Variants in DIRAS2 observed in about 807,000 individuals in gnomAD.
DIRAS2 encodes DIRAS family GTPase 2.
In DIRAS2, 5 loss-of-function variants were observed where a neutral mutation model predicts 13.9. The observed-to-expected ratio is 0.36, with a 90% CI of 0.19 to 0.76. The LOEUF is 0.76. DIRAS2 is among the 30% of genes least tolerant of loss of function. DIRAS2 has a pLI of 0.53. For synonymous variants in DIRAS2, 111 were observed against 105.4 expected, an observed-to-expected ratio of 1.05 and a Z score of -0.33; for missense variants, 191 against 263.0, an observed-to-expected ratio of 0.73 and a Z score of 1.89.
intron 1 of DIRAS2, among the ~76,000 whole-genome samples, chr9:90,626,730 C>T (rs1402166493): frequency 2.0e-5 from 3 of 152,292 alleles, no homozygotes; most frequent in African/African-American, 7.2e-5. Context: ...GATAGAATTA[C>T]TGTATGATCC....
In DIRAS2 at chr9:90,613,552, C is replaced by A; in HGVS notation, c.276G>T (p.Gln92His). The A allele has an allele frequency of 6.2e-7, 1 of 1,614,186 alleles. No individual in the cohort carries two copies. ...AGATGGGCTTGAGCTCCTCCAAGGA[C>A]TGTCGGCTGGTAATGGAGTACACCA... is the stretch of plus-strand genomic sequence containing the variant. ...FILVYSITSR[Q>H]SLEELKPIYE... is the part of the protein sequence containing the mutation. Residue 92 changes from glutamine (Q) to histidine (H), a missense_variant, in exon 2 of 2, where the codon CAG becomes CAT. Physicochemically the swap from Gln to His is conservative, Grantham distance 24. Transcript: ENST00000375765. This position sits in a 1 kb window ranked among gnomAD's most constrained non-coding sequence, Gnocchi z 5.6.
intron 1 of DIRAS2, among the ~76,000 whole-genome samples, chr9:90,620,697 C>T (rs1825211790): frequency 6.6e-6 from 1 of 151,704 alleles, no homozygotes; most frequent in Non-Finnish European, 1.5e-5. Flanking sequence ...AGAGATCACG[C>T]CACTGCACTC....
In DIRAS2 at chr9:90,613,724, C is replaced by G; in HGVS notation, c.104G>C (p.Ser35Thr). The change falls in exon 2 of 2, where the codon AGC (serine) becomes ACC (threonine). Residue 35 changes from serine (S) to threonine (T), a missense_variant. Coordinates refer to ENST00000375765, the MANE Select transcript of DIRAS2 (RefSeq NM_017594.5). The surrounding 1 kb of genome is among the most constrained non-coding windows in gnomAD (Gnocchi z 5.6). ...GGTGTCTTCCACCGTCGGGATGTAG[C>G]TCTCCCGGAATGTGCCTTTCACAAA... ...LRFVKGTFRE[S>T]YIPTVEDTYR... The G allele has an allele frequency of 1.2e-6, 2 of 1,614,132 alleles. No homozygotes were observed. The highest frequency in any genetic ancestry group is 1.7e-6 in the Non-Finnish European group (2 of 1,180,028).
chr9:90,628,855 T>A (rs1337228219), intron 1 of DIRAS2, among the ~76,000 whole-genome samples: 9 of 139,234 alleles, frequency 6.5e-5, no homozygotes, highest in African/African-American at 2.3e-4. Flanking sequence ...CCTAAAAATA[T>A]ATTACTTTTT....
chr9:90,633,285 G>C (rs1039576758), intron 1 of DIRAS2, among the ~76,000 whole-genome samples: 1 of 152,188 alleles, frequency 6.6e-6, no homozygotes, highest in Non-Finnish European at 1.5e-5. Context: ...ACTAGTGATG[G>C]GTCGGTGGGA....
chr9:90,632,888 C>A lies in DIRAS2; in HGVS notation c.-37+9864G>T, dbSNP rs116209967. Among the ~76,000 whole-genome samples the A allele has an allele frequency of 4.2e-3, 642 of 152,332 alleles. 4 individuals are homozygous for A. Among genetic ancestry groups the A allele is most frequent in the African/African-American group, 0.014 (602 of 41,566 alleles). ...CTCAGATGGGGCTTCCAGGCTGCAA[C>A]CACAGAACACTAGTGCAGAACATGC... On this transcript the variant is annotated intron_variant, in intron 1 of 1. Transcript: ENST00000375765.
rs1329644373 is a variant in DIRAS2 at position 90,610,932 on chromosome 9, T to C, written c.*2296A>G. On this transcript the variant is annotated 3_prime_UTR_variant, in exon 2 of 2. Coordinates refer to ENST00000375765, the MANE Select transcript of DIRAS2 (RefSeq NM_017594.5). ...GATTTGAAAGGGATAAAAGAAATTC[T>C]GACTTACAATCAGTAGAAATGGGAT... 1 of 152,272 alleles carries C rather than the reference T, an allele frequency of 6.6e-6. No individual in the cohort carries two copies. The highest frequency in any genetic ancestry group is 1.5e-5 in the Non-Finnish European group (1 of 68,098). The allele number at this position is 152,272 out of a possible 1,614,324, so 9.4% of individuals were successfully genotyped here. A position where few individuals can be genotyped will look rare whatever the true frequency, so the allele number is the denominator to read the frequency against.
rs1263388683 is a variant in DIRAS2 at position 90,612,973 on chromosome 9, C to T, written c.*255G>A. 2.2e-5 allele frequency: 11 copies of T among 500,294 alleles called. No homozygotes were observed. Among genetic ancestry groups the T allele is most frequent in the South Asian group, 7.0e-5 (3 of 42,874 alleles). The allele number at this position is 500,294 out of a possible 1,614,324, so 31.0% of individuals were successfully genotyped here. A position where few individuals can be genotyped will look rare whatever the true frequency, so the allele number is the denominator to read the frequency against. ...TGTTCATCGCCACCTTCAGCAATTG[C>T]TGGCACCTCTCAGTTCCCAGGGATG... is the stretch of plus-strand genomic sequence containing the variant. On this transcript the variant is annotated 3_prime_UTR_variant, in exon 2 of 2. Transcript: ENST00000375765.
chr9:90,621,247 G>C (rs1439845364), intron 1 of DIRAS2, among the ~76,000 whole-genome samples: 1 of 152,160 alleles, frequency 6.6e-6, no homozygotes, highest in Non-Finnish European at 1.5e-5. Flanking sequence ...GGAGATTAAG[G>C]AAAGGAGAAA....
At chr9:90,633,060 G>A (rs1469743731) in intron 1 of DIRAS2, among the ~76,000 whole-genome samples, 1 of 126,930 alleles carries the variant, frequency 7.9e-6, no homozygotes, top group Non-Finnish European at 1.7e-5. Context: ...ATACTGGAAG[G>A]AGAGTGCCAC....
rs186245556 is a variant in DIRAS2, at chr9:90,637,716, C to T, written c.-37+5036G>A. Among the ~76,000 whole-genome samples the T allele has an allele frequency of 5.9e-5, 9 of 152,252 alleles. No homozygotes were observed. In the East Asian group the frequency reaches 1.5e-3, roughly 26 times the overall value. ...AACCGGTGTGTTCTTGTTCTTTGCT[C>T]GGTTTTTAGTAGTTTGCAGGGATGG... is the stretch of plus-strand genomic sequence containing the variant. On this transcript the variant is annotated intron_variant, in intron 1 of 1. Transcript: ENST00000375765.
chr9:90,628,953 C>G (rs955439080), intron 1 of DIRAS2, among the ~76,000 whole-genome samples: 2 of 152,110 alleles, frequency 1.3e-5, no homozygotes, highest in Non-Finnish European at 2.9e-5. Context: ...CTCCCGGGTT[C>G]ACGCCATTCT....
chr9:90,632,362 G>A (rs1183737325), intron 1 of DIRAS2, among the ~76,000 whole-genome samples: 1 of 152,044 alleles, frequency 6.6e-6, no homozygotes, highest in Non-Finnish European at 1.5e-5. Context: ...CTTTGCCCTG[G>A]TTGCTCCCAC....
chr9:90,626,481 T>G (rs1201466818), intron 1 of DIRAS2, among the ~76,000 whole-genome samples: 4 of 151,286 alleles, frequency 2.6e-5, no homozygotes, highest in Non-Finnish European at 4.4e-5. Context: ...GAATAGATAT[T>G]TCTCTATAGA....
chr9:90,617,481 C>A (rs1004629019), intron 1 of DIRAS2, among the ~76,000 whole-genome samples: 1 of 152,158 alleles, frequency 6.6e-6, no homozygotes, highest in Non-Finnish European at 1.5e-5. Context: ...GAGAACTTGG[C>A]AAGTTACTTA....
chr9:90,623,033 G>T (rs1051462746), intron 1 of DIRAS2, among the ~76,000 whole-genome samples: 11 of 152,068 alleles, frequency 7.2e-5, no homozygotes, highest in Non-Finnish European at 2.9e-5. Flanking sequence ...CTTGTACTCT[G>T]ATTTTCCCTT....
intron 1 of DIRAS2, among the ~76,000 whole-genome samples, chr9:90,623,460 A>T (rs763422956): frequency 1.3e-5 from 2 of 149,542 alleles, no homozygotes; most frequent in Non-Finnish European, 3.0e-5. Flanking sequence ...TAGAGGAAGG[A>T]AAGGATTAAG....
intron 1 of DIRAS2, among the ~76,000 whole-genome samples, chr9:90,627,550 T>G (rs1825281425): frequency 6.6e-6 from 1 of 152,198 alleles, no homozygotes; most frequent in Non-Finnish European, 1.5e-5. Flanking sequence ...TGTTGTTTCA[T>G]GAGTATGGAG....
chr9:90,623,549 A>G (rs1003563378), intron 1 of DIRAS2, among the ~76,000 whole-genome samples: 1 of 152,244 alleles, frequency 6.6e-6, no homozygotes, highest in Non-Finnish European at 1.5e-5. Context: ...CCTCCTAGGC[A>G]GTGAAAATCA....
Sources: allele counts gnomAD v4.1 joint callset (sites outside exome capture counted in the v4.1 genomes callset), GRCh38; gene constraint gnomAD v4.1.1; non-coding constraint Gnocchi (gnomAD v3.1); transcripts MANE v1.5; gene names NCBI Gene and HGNC (gene_info 2026-07-23, HGNC 2026-07-21).